NRF1: variants seen among roughly 807,000 people sequenced by gnomAD.
NRF1 encodes the protein nuclear respiratory factor 1.
A neutral mutation model predicts 58.5 loss-of-function variants in NRF1; 5 were observed. The observed-to-expected ratio is 0.09, with a 90% confidence interval of 0.04 to 0.18. NRF1 has a LOEUF of 0.18. NRF1 is among the 10% of genes least tolerant of loss of function. The pLI is 1.00. For missense variants in NRF1, 288 were observed against 657.7 expected, an observed-to-expected ratio of 0.44 and a Z score of 6.15; for synonymous variants, 224 against 246.7, an observed-to-expected ratio of 0.91 and a Z score of 0.86.
intron 4 of NRF1, among the ~76,000 whole-genome samples, chr7:129,681,979 G>C (rs1225779072): frequency 1.3e-5 from 2 of 151,930 alleles, no homozygotes; most frequent in Admixed American, 6.6e-5. Flanking sequence ...CTACTTGGGA[G>C]GCTGAGGCAG....
At chr7:129,733,027 C>T (rs1002107564) in intron 10 of NRF1, among the ~76,000 whole-genome samples, 2 of 149,926 alleles carry the variant, frequency 1.3e-5, no homozygotes, top group Non-Finnish European at 3.0e-5. Context: ...GCTGAGATTG[C>T]ACCATTGCAC....
intron 5 of NRF1, among the ~76,000 whole-genome samples, chr7:129,706,259 T>C (rs796846174): frequency 9.2e-5 from 14 of 152,286 alleles, no homozygotes; most frequent in African/African-American, 3.4e-4. Context: ...AAAAGACATT[T>C]GGAGGTGTTT....
At chr7:129,637,713 G>T (rs1052801412) in intron 1 of NRF1, among the ~76,000 whole-genome samples, 14 of 151,710 alleles carry the variant, frequency 9.2e-5, no homozygotes, top group African/African-American at 2.9e-4. Context: ...GGATTTTTTT[G>T]TGTGTCAATA....
intron 9 of NRF1, among the ~76,000 whole-genome samples, chr7:129,719,988 A>G (rs1362644272): frequency 1.3e-5 from 2 of 152,200 alleles, no homozygotes; most frequent in South Asian, 2.1e-4. Context: ...TCTCTTTGTT[A>G]TAAGGACCAG....
intron 10 of NRF1, among the ~76,000 whole-genome samples, chr7:129,736,274 A>ATTTT (rs61690883): frequency 1.0e-5 from 1 of 97,942 alleles, no homozygotes; most frequent in Admixed American, 1.1e-4. Flanking sequence ...GCTCAATAGA[A>ATTTT]TTTTTTTTTT....
chr7:129,742,086 T>C (rs1803857777), intron 10 of NRF1, among the ~76,000 whole-genome samples: 1 of 152,098 alleles, frequency 6.6e-6, no homozygotes, highest in South Asian at 2.1e-4. Flanking sequence ...GCACATCTGC[T>C]CCTGACAAAG....
chr7:129,661,817 A>G (rs1362395349), intron 2 of NRF1, among the ~76,000 whole-genome samples: 1 of 150,856 alleles, frequency 6.6e-6, no homozygotes, highest in Non-Finnish European at 1.5e-5. Flanking sequence ...ATTTTTAGGT[A>G]TCTTTTCAGC....
intron 5 of NRF1, among the ~76,000 whole-genome samples, chr7:129,700,140 C>CA (rs34467686): frequency 0.063 from 8,042 of 126,948 alleles, 264 homozygotes; most frequent in Middle Eastern, 0.15. Flanking sequence ...GACTCCATCT[C>CA]AAAAAAAAAA....
intron 9 of NRF1, among the ~76,000 whole-genome samples, chr7:129,725,546 C>G (rs1005237162): frequency 2.0e-5 from 3 of 152,084 alleles, no homozygotes; most frequent in African/African-American, 7.2e-5. Context: ...AGGCTGGTCT[C>G]GAACTCCCGA....
chr7:129,690,328 C>T, intron 4 of NRF1, 78 bp from the exon 5 acceptor site: 2 of 1,492,306 alleles, frequency 1.3e-6, no homozygotes. Flanking sequence ...GCCAGCCCCA[C>T]CCACTCTCTT....
intron 3 of NRF1, among the ~76,000 whole-genome samples, chr7:129,675,055 A>T (rs973296114): frequency 6.6e-6 from 1 of 152,208 alleles, no homozygotes; most frequent in African/African-American, 2.4e-5. Flanking sequence ...AGTTTGTGTA[A>T]TATTCTAAAT....
At chr7:129,663,239 A>G (rs556900893) in intron 2 of NRF1, among the ~76,000 whole-genome samples, 68 of 150,916 alleles carry the variant, frequency 4.5e-4, no homozygotes, top group South Asian at 8.4e-4. Flanking sequence ...CGCCATCGTC[A>G]TCATGGCCCG....
chr7:129,685,472 G>A (rs975216502), intron 4 of NRF1, among the ~76,000 whole-genome samples: 1 of 151,750 alleles, frequency 6.6e-6, no homozygotes, highest in African/African-American at 2.4e-5. Context: ...ATTATAAAAT[G>A]TTTGTTAATG....
intron 5 of NRF1, among the ~76,000 whole-genome samples, chr7:129,700,426 A>G (rs1456394208): frequency 2.6e-5 from 4 of 152,154 alleles, no homozygotes; most frequent in Admixed American, 2.0e-4. Flanking sequence ...GGCATCTGCA[A>G]TGTTTAAACT....
At chr7:129,633,140 G>A (rs533585319) in intron 1 of NRF1, among the ~76,000 whole-genome samples, 1 of 152,220 alleles carries the variant, frequency 6.6e-6, no homozygotes, top group East Asian at 1.9e-4. Context: ...TTCTTAATAT[G>A]CAAACACCAT....
chr7:129,735,428 G>T (rs1408439239), intron 10 of NRF1: 1 of 167,620 alleles, frequency 6.0e-6, no homozygotes, highest in Admixed American at 6.5e-5. Flanking sequence ...TACTTGGGAG[G>T]CTGAGGCAGG....
At chr7:129,629,230 A>G (rs374260212) in intron 1 of NRF1, among the ~76,000 whole-genome samples, 27 of 152,240 alleles carry the variant, frequency 1.8e-4, no homozygotes, top group East Asian at 1.7e-3. Flanking sequence ...ATTCCTTGTG[A>G]AAAAAAGCAG....
intron 2 of NRF1, among the ~76,000 whole-genome samples, chr7:129,670,990 A>G (rs1445907199): frequency 6.6e-6 from 1 of 152,062 alleles, no homozygotes; most frequent in Non-Finnish European, 1.5e-5. Flanking sequence ...TTAACTTGGC[A>G]TTGTCTTGGA....
chr7:129,716,762 T>C (rs1016468976), intron 8 of NRF1, among the ~76,000 whole-genome samples: 2 of 152,006 alleles, frequency 1.3e-5, no homozygotes, highest in African/African-American at 4.8e-5. Flanking sequence ...TCCCAACTAC[T>C]TGGGAGCCTG....
Sources: gnomAD v4.1 joint callset for allele counts (sites outside exome capture counted in the v4.1 genomes callset) on GRCh38, gnomAD v4.1.1 for gene constraint, MANE v1.5 for transcripts, NCBI Gene and HGNC (gene_info 2026-07-23, HGNC 2026-07-21) for gene names.